Variants in CCDC12 observed in about 807,000 individuals in gnomAD.
CCDC12 encodes coiled-coil domain-containing protein 12.
In CCDC12, 28 loss-of-function variants were observed where a neutral mutation model predicts 25.7. The ratio of observed to expected loss-of-function variants is 1.09; its 90% CI spans 0.81 to 1.50. The LOEUF is 1.50. Among genes scored for constraint, CCDC12 ranks in the 40% most tolerant of loss-of-function variants. The pLI is 0.00. For synonymous variants in CCDC12, 75 were observed against 87.7 expected (o/e 0.86, Z 0.81); for missense variants, 198 against 210.0 (o/e 0.94, Z 0.35).
chr3:46,937,755 A>G (rs1352309006), intron 2 of CCDC12, among the ~76,000 whole-genome samples: 1 of 152,200 alleles, frequency 6.6e-6, no homozygotes, highest in Non-Finnish European at 1.5e-5. Flanking sequence ...AAAGTCCATC[A>G]TCCCCAATCC....
intron 2 of CCDC12, among the ~76,000 whole-genome samples, chr3:46,928,257 T>C (rs563290523): frequency 2.0e-5 from 3 of 151,944 alleles, no homozygotes; most frequent in African/African-American, 7.2e-5. Context: ...AAAAAATGTA[T>C]ATATATGTAT....
In CCDC12 at chr3:46,923,603, T is replaced by C. The variant is rs748202438; in HGVS notation, c.306+4A>G. The C allele has an allele frequency of 6.2e-7, 1 of 1,603,338 alleles. No homozygotes were observed. Among genetic ancestry groups the C allele is most frequent in the South Asian group, 1.1e-5 (1 of 89,228 alleles). On this transcript the variant is annotated splice_donor_region_variant and intron_variant, in intron 4 of 6. Transcript: ENST00000683445. The stretch of plus-strand genomic sequence containing the variant: ...GAGGATGCCAGGGTGGTCCAGGCAC[T>C]CACCACCTCCTCGATGACGGGCTCG...
chr3:46,960,237 G>A (rs2034422654), intron 1 of CCDC12, among the ~76,000 whole-genome samples: 1 of 152,128 alleles, frequency 6.6e-6, no homozygotes, highest in African/African-American at 2.4e-5. Context: ...TGTGCACAGA[G>A]AGGCCTCAAC....
intron 4 of CCDC12, 57 bp from the exon 5 acceptor site, chr3:46,923,420 G>T: frequency 1.3e-6 from 2 of 1,557,916 alleles, no homozygotes; most frequent in Non-Finnish European, 1.7e-6. Context: ...ACAAGGGGGA[G>T]GGCAGGCTCG....
At chr3:46,953,074 T>C (rs2034178252) in intron 1 of CCDC12, among the ~76,000 whole-genome samples, 1 of 152,132 alleles carries the variant, frequency 6.6e-6, no homozygotes, top group Non-Finnish European at 1.5e-5. Context: ...TTCAGAGAGA[T>C]ACAATCAAAC....
chr3:46,945,180 G>A (rs926021078), intron 1 of CCDC12, among the ~76,000 whole-genome samples: 2 of 152,162 alleles, frequency 1.3e-5, no homozygotes, highest in Non-Finnish European at 2.9e-5. Flanking sequence ...CTCTCAGCAC[G>A]GGGCATCTCC....
intron 1 of CCDC12, among the ~76,000 whole-genome samples, chr3:46,969,821 G>A (rs964839075): frequency 6.6e-5 from 10 of 152,052 alleles, no homozygotes; most frequent in Admixed American, 2.0e-4. Flanking sequence ...GAGATGCACC[G>A]TCGAATAAGG....
At position 46,932,413 on chromosome 3, in the gene CCDC12, C is replaced by T. The variant is rs781114213; in HGVS notation, c.165-6878G>A. On this transcript the variant is annotated intron_variant, in intron 2 of 6. Coordinates refer to ENST00000683445, the MANE Select transcript of CCDC12 (RefSeq NM_001277074.2). ...GAACACTCAATGGCTGGCTTTGCAG[C>T]AAATGAGACTTTTAAAGAGCCCAGT... Among the ~76,000 whole-genome samples, 205 of 152,200 alleles carry T rather than the reference C, an allele frequency of 1.3e-3. 1 individual carries two copies. Among genetic ancestry groups the T allele is most frequent in the Non-Finnish European group, 1.1e-3 (76 of 68,048 alleles).
At chr3:46,940,192 CCA>C (rs1392449817) in intron 2 of CCDC12, among the ~76,000 whole-genome samples, 1 of 152,214 alleles carries the variant, frequency 6.6e-6, no homozygotes, top group Non-Finnish European at 1.5e-5. Context: ...CTCGCTCACC[CCA>C]CACACTGGTT....
At chr3:46,923,524 T>G in intron 4 of CCDC12, 83 bp downstream of exon 4, 3 of 1,481,188 alleles carry the variant, frequency 2.0e-6, no homozygotes, top group Non-Finnish European at 2.8e-6. Context: ...CGAGAAGGAA[T>G]GGGGGGCAGA....
At position 46,973,385 on chromosome 3, in the gene CCDC12, C is replaced by T. The variant is rs1486052634; in HGVS notation, c.96+3252G>A. The stretch of plus-strand genomic sequence containing the variant: ...AAAAAAAAAAAATTAATCCCAGCTA[C>T]TCGAGAGGCTGAGACAGGAAAATTG... On this transcript the variant is annotated intron_variant, in intron 1 of 6. Transcript: ENST00000683445. Among the ~76,000 whole-genome samples, 64 of 148,302 alleles carry T rather than the reference C, an allele frequency of 4.3e-4. 1 individual carries two copies. The highest frequency in any genetic ancestry group is 1.5e-3 in the African/African-American group (60 of 39,626).
At chr3:46,975,420 C>A (rs1327516800) in intron 1 of CCDC12, among the ~76,000 whole-genome samples, 1 of 152,162 alleles carries the variant, frequency 6.6e-6, no homozygotes, top group Admixed American at 6.5e-5. Context: ...CCTGACCCAT[C>A]TGCCCGCCTG....
intron 1 of CCDC12, among the ~76,000 whole-genome samples, chr3:46,964,362 C>T (rs1234324239): frequency 2.6e-5 from 4 of 151,804 alleles, no homozygotes; most frequent in Admixed American, 6.6e-5. Flanking sequence ...CCAGCCGCCC[C>T]GTCTGGGAGG....
At chr3:46,970,909 G>A (rs1235530534) in intron 1 of CCDC12, among the ~76,000 whole-genome samples, 1 of 152,098 alleles carries the variant, frequency 6.6e-6, no homozygotes, top group African/African-American at 2.4e-5. Context: ...CAGGAAATGA[G>A]GTTCAAATAC....
chr3:46,970,394 CT>C (rs1412402384), intron 1 of CCDC12, among the ~76,000 whole-genome samples: 1 of 152,154 alleles, frequency 6.6e-6, no homozygotes, highest in African/African-American at 2.4e-5. Flanking sequence ...TTGGACACCC[CT>C]GGATAACAGG....
chr3:46,951,649 G>C lies in CCDC12; in HGVS notation c.97-10584C>G, dbSNP rs1311961713. On this transcript the variant is annotated intron_variant, in intron 1 of 6. Coordinates refer to ENST00000683445, the MANE Select transcript of CCDC12 (RefSeq NM_001277074.2). Reference sequence around the variant, plus strand: ...CAGAAAATTAGCCGGGCGTGGTGGCGGGCACCTGCAGTCCCAGCTACTCGG... The same window carrying C: ...CAGAAAATTAGCCGGGCGTGGTGGCCGGCACCTGCAGTCCCAGCTACTCGG... Among the ~76,000 whole-genome samples, 2 of 148,474 alleles carry C rather than the reference G, an allele frequency of 1.3e-5. 1 individual carries two copies. The highest frequency in any genetic ancestry group is 3.0e-5 in the Non-Finnish European group (2 of 67,008).
At chr3:46,956,911 G>T (rs944653839) in intron 1 of CCDC12, among the ~76,000 whole-genome samples, 3 of 152,172 alleles carry the variant, frequency 2.0e-5, no homozygotes, top group Admixed American at 6.5e-5. Context: ...CAAGAGAAGG[G>T]GAGAAGCCAG....
At chr3:46,934,126 G>A (rs934431233) in intron 2 of CCDC12, among the ~76,000 whole-genome samples, 3 of 152,194 alleles carry the variant, frequency 2.0e-5, no homozygotes, top group Admixed American at 6.5e-5. Context: ...AGGAGTAAAC[G>A]TTTATGGCAG....
At chr3:46,943,530 C>G (rs1160707701) in intron 1 of CCDC12, among the ~76,000 whole-genome samples, 1 of 152,184 alleles carries the variant, frequency 6.6e-6, no homozygotes, top group East Asian at 1.9e-4. Flanking sequence ...TCTGTTAACC[C>G]GAACCACCTG....
Sources: gnomAD v4.1 joint callset for allele counts (sites outside exome capture counted in the v4.1 genomes callset) on GRCh38, gnomAD v4.1.1 for gene constraint, MANE v1.5 for transcripts, NCBI Gene and HGNC (gene_info 2026-07-23, HGNC 2026-07-21) for gene names.